KCNQ3: variants seen among roughly 807,000 people sequenced by gnomAD.
KCNQ3 encodes the protein potassium voltage-gated channel subfamily Q member 3.
Under a neutral mutation model 92.5 loss-of-function variants are expected in KCNQ3, and 30 were observed. That is an observed-to-expected ratio of 0.32 (90% CI 0.24 to 0.44). The LOEUF (loss-of-function observed/expected upper bound fraction) is 0.44, where lower values mean the gene tolerates loss of function less well. KCNQ3 is among the 20% of genes least tolerant of loss of function. The pLI is 1.00. For synonymous variants in KCNQ3, 450 were observed against 468.8 expected, an observed-to-expected ratio of 0.96 and a Z score of 0.52; for missense variants, 913 against 1,140.3, an observed-to-expected ratio of 0.80 and a Z score of 2.87.
intron 1 of KCNQ3, among the ~76,000 whole-genome samples, chr8:132,245,699 G>A (rs138955034): frequency 5.0e-3 from 764 of 152,064 alleles, no homozygotes; most frequent in Middle Eastern, 0.024. Context: ...TTCCCATTCC[G>A]TGTATGTCTC....
intron 1 of KCNQ3, among the ~76,000 whole-genome samples, chr8:132,416,257 A>G (rs1820805147): frequency 6.6e-6 from 1 of 152,232 alleles, no homozygotes; most frequent in Admixed American, 6.5e-5. Flanking sequence ...ATCTCTCAAA[A>G]TCCCAAACTG....
chr8:132,208,042 T>C (rs999536471), intron 1 of KCNQ3, among the ~76,000 whole-genome samples: 3 of 152,036 alleles, frequency 2.0e-5, no homozygotes, highest in African/African-American at 7.2e-5. Flanking sequence ...GTTGTAGACA[T>C]TTCCTTCCCT....
rs1816584893 is a variant in KCNQ3 at position 132,283,219 on chromosome 8, C to T, written c.387-97038G>A. ...CCTGAGCCGCCATTATTATTTAGTT[C>T]CCATTTTCCAGAGGAGTAAATGGAG... On this transcript the variant is annotated intron_variant, in intron 1 of 14. Transcript: ENST00000388996. Among the ~76,000 whole-genome samples, 3 of 150,264 alleles carry T rather than the reference C, an allele frequency of 2.0e-5. No individual in the cohort carries two copies. In the South Asian group the frequency reaches 6.4e-4, roughly 32 times the overall value.
At chr8:132,330,408 C>T (rs1427618953) in intron 1 of KCNQ3, among the ~76,000 whole-genome samples, 4 of 152,028 alleles carry the variant, frequency 2.6e-5, no homozygotes, top group African/African-American at 7.3e-5. Context: ...GCCATTTGCT[C>T]GAGGAAAACC....
intron 7 of KCNQ3, among the ~76,000 whole-genome samples, chr8:132,170,785 G>A (rs1826310364): frequency 6.6e-6 from 1 of 151,310 alleles, no homozygotes; most frequent in Admixed American, 6.6e-5. Context: ...ACCAAGGTGG[G>A]AGGATCACTT....
intron 1 of KCNQ3, among the ~76,000 whole-genome samples, chr8:132,247,853 G>A (rs1399897822): frequency 6.6e-6 from 1 of 150,810 alleles, no homozygotes; most frequent in African/African-American, 2.4e-5. Context: ...CAAAAAGGGA[G>A]AAATGAAGTT....
At chr8:132,476,614 G>T (rs920024227) in intron 1 of KCNQ3, among the ~76,000 whole-genome samples, 1 of 152,130 alleles carries the variant, frequency 6.6e-6, no homozygotes, top group African/African-American at 2.4e-5. Context: ...AATTTCTCCC[G>T]TTTGCAATGG....
intron 9 of KCNQ3, among the ~76,000 whole-genome samples, chr8:132,150,712 T>C (rs190217469): frequency 1.3e-5 from 2 of 152,258 alleles, no homozygotes; most frequent in African/African-American, 4.8e-5. Context: ...ACCTCTGTTT[T>C]CTTCATGGAA....
chr8:132,170,258 A>T lies in KCNQ3; in HGVS notation c.1235+76T>A, dbSNP rs1826282966. On this transcript the variant is annotated intron_variant, in intron 8 of 14. Transcript: ENST00000388996. ...GAAGAGTGTTCTCCAGGGACCCGTGAGGCCACAGACACGAATACAGACCGC... is the reference window on the plus strand; with the variant it reads ...GAAGAGTGTTCTCCAGGGACCCGTGTGGCCACAGACACGAATACAGACCGC... 4 of 1,041,968 alleles carry T rather than the reference A, an allele frequency of 3.8e-6. No homozygotes were observed. In the Admixed American group the frequency reaches 6.9e-5, roughly 18 times the overall value. The allele number at this position is 1,041,968 out of a possible 1,614,324, so 64.5% of individuals were successfully genotyped here.
intron 1 of KCNQ3, among the ~76,000 whole-genome samples, chr8:132,325,181 CAGTT>C (rs978647907): frequency 2.0e-5 from 3 of 151,962 alleles, no homozygotes; most frequent in African/African-American, 4.8e-5. Flanking sequence ...TGGGGAAAGA[CAGTT>C]AGTCAGTCAA....
chr8:132,320,428 C>G (rs1345506290), intron 1 of KCNQ3, among the ~76,000 whole-genome samples: 1 of 152,126 alleles, frequency 6.6e-6, no homozygotes, highest in Non-Finnish European at 1.5e-5. Flanking sequence ...GCCGATGAAG[C>G]AACTGAAGCT....
chr8:132,288,264 A>G (rs1816734588), intron 1 of KCNQ3, among the ~76,000 whole-genome samples: 1 of 152,196 alleles, frequency 6.6e-6, no homozygotes, highest in African/African-American at 2.4e-5. Context: ...GCCCCCCACA[A>G]ACACTACATG....
rs183416047 is a variant in KCNQ3, at chr8:132,132,044, C to T, written c.1884+136G>A. The T allele has an allele frequency of 5.1e-4, 343 of 672,298 alleles. 3 individuals are homozygous for T. The highest frequency in any genetic ancestry group is 1.6e-3 in the Middle Eastern group (4 of 2,488). 41.6% of individuals were successfully genotyped at this position (672,298 alleles called of 1,614,324 possible). A position where few individuals can be genotyped will look rare whatever the true frequency, so the allele number is the denominator to read the frequency against. On this transcript the variant is annotated intron_variant, in intron 14 of 14. Coordinates refer to ENST00000388996, the MANE Select transcript of KCNQ3 (RefSeq NM_004519.4). ...CAGAGGTTGCAGTGAGTCAAGATCG[C>T]GCCATTGCACTCCAGCCTGGGCAAC...
At chr8:132,334,622 A>C (rs1463463586) in intron 1 of KCNQ3, among the ~76,000 whole-genome samples, 3 of 152,198 alleles carry the variant, frequency 2.0e-5, no homozygotes, top group Admixed American at 6.5e-5. Flanking sequence ...CTTGTCTCCC[A>C]TGCCATCCCC....
At chr8:132,302,764 T>C (rs1036161104) in intron 1 of KCNQ3, among the ~76,000 whole-genome samples, 3 of 152,136 alleles carry the variant, frequency 2.0e-5, no homozygotes, top group African/African-American at 7.2e-5. Context: ...AGATGTTGAG[T>C]CATAATGGCT....
chr8:132,364,629 C>T (rs908510627), intron 1 of KCNQ3, among the ~76,000 whole-genome samples: 2 of 151,904 alleles, frequency 1.3e-5, no homozygotes. Flanking sequence ...ATATAGTAGG[C>T]AATTTTATAC....
chr8:132,225,064 G>C (rs1814366777), intron 1 of KCNQ3, among the ~76,000 whole-genome samples: 1 of 152,166 alleles, frequency 6.6e-6, no homozygotes. Flanking sequence ...AGACCCACCA[G>C]TTTGTCCCCT....
At chr8:132,143,769 G>T (rs868046439) in intron 9 of KCNQ3, among the ~76,000 whole-genome samples, 1 of 152,206 alleles carries the variant, frequency 6.6e-6, no homozygotes, top group Non-Finnish European at 1.5e-5. Flanking sequence ...GAAGGCTGAC[G>T]ATGTGTGTGA....
chr8:132,278,024 G>A (rs886097642), intron 1 of KCNQ3: 1 of 985,182 alleles, frequency 1.0e-6, no homozygotes, highest in Non-Finnish European at 1.2e-6. Context: ...GGAATTCAAG[G>A]CTACAGAGCT....
Sources: allele counts gnomAD v4.1 joint callset (sites outside exome capture counted in the v4.1 genomes callset), GRCh38; gene constraint gnomAD v4.1.1; transcripts MANE v1.5; gene names NCBI Gene and HGNC (gene_info 2026-07-23, HGNC 2026-07-21).